The following LSAMP variants were observed in gnomAD, a reference collection of about 807,000 sequenced individuals.
LSAMP encodes limbic system-associated membrane protein.
In LSAMP, 7 loss-of-function variants were observed where a neutral mutation model predicts 38.6. The ratio of observed to expected loss-of-function variants is 0.18; its 90% CI spans 0.10 to 0.34. The LOEUF is 0.34. Ranked by LOEUF, LSAMP falls within the 10% of genes least tolerant of loss-of-function variation. The pLI is 1.00. For synonymous variants in LSAMP, 154 were observed against 166.8 expected (o/e 0.92, Z 0.59); for missense variants, 313 against 420.0 (o/e 0.75, Z 2.23).
intron 1 of LSAMP, among the ~76,000 whole-genome samples, chr3:116,109,388 T>C (rs1331175017): frequency 2.0e-5 from 3 of 151,928 alleles, no homozygotes; most frequent in Admixed American, 6.6e-5. Context: ...CAGATAGGTC[T>C]GTAGAAAAGG....
intron 3 of LSAMP, among the ~76,000 whole-genome samples, chr3:115,949,036 G>A (rs1275788685): frequency 6.6e-6 from 1 of 152,132 alleles, no homozygotes; most frequent in Non-Finnish European, 1.5e-5. Context: ...GGGAGGCCAA[G>A]GCAGGTGAAT....
chr3:115,855,796 C>G (rs1935490221), intron 3 of LSAMP, among the ~76,000 whole-genome samples: 1 of 152,194 alleles, frequency 6.6e-6, no homozygotes, highest in South Asian at 2.1e-4. Flanking sequence ...TTTATTCTCT[C>G]AACCTTAAGA....
intron 3 of LSAMP, among the ~76,000 whole-genome samples, chr3:115,938,180 AATAG>A (rs1937775212): frequency 6.6e-6 from 1 of 152,180 alleles, no homozygotes; most frequent in African/African-American, 2.4e-5. Context: ...ACAGAAAATG[AATAG>A]ATAATTTATT....
intron 3 of LSAMP, among the ~76,000 whole-genome samples, chr3:115,855,302 T>C (rs968996221): frequency 2.0e-5 from 3 of 152,202 alleles, no homozygotes; most frequent in Admixed American, 2.0e-4. Flanking sequence ...AAACAATATT[T>C]ATTGTGTTTG....
chr3:116,192,303 A>T (rs1396362382), intron 1 of LSAMP, among the ~76,000 whole-genome samples: 1 of 152,168 alleles, frequency 6.6e-6, no homozygotes, highest in Non-Finnish European at 1.5e-5. Context: ...TAAGAATTGG[A>T]AGGAAATGGA....
intron 3 of LSAMP, among the ~76,000 whole-genome samples, chr3:115,973,959 G>A (rs971416563): frequency 6.6e-6 from 1 of 152,108 alleles, no homozygotes; most frequent in Non-Finnish European, 1.5e-5. Context: ...TATACCACTT[G>A]TAAAATAACA....
At chr3:116,411,987 A>T (rs1026817383) in intron 1 of LSAMP, among the ~76,000 whole-genome samples, 3 of 152,002 alleles carry the variant, frequency 2.0e-5, no homozygotes, top group African/African-American at 7.2e-5. Context: ...ACCACTCACC[A>T]GATGCTGGTG....
chr3:116,275,963 A>T (rs962707751), intron 1 of LSAMP, among the ~76,000 whole-genome samples: 3 of 152,240 alleles, frequency 2.0e-5, no homozygotes, highest in African/African-American at 7.2e-5. Flanking sequence ...AATTACGTAA[A>T]GTTTTTGAAC....
At chr3:116,429,595 A>G (rs967588244) in intron 1 of LSAMP, among the ~76,000 whole-genome samples, 5 of 152,284 alleles carry the variant, frequency 3.3e-5, no homozygotes, top group Admixed American at 2.0e-4. Context: ...TAATGTCTAC[A>G]TACGACCACC....
At chr3:115,829,504 T>G (rs1483172921) in intron 6 of LSAMP, among the ~76,000 whole-genome samples, 1 of 152,224 alleles carries the variant, frequency 6.6e-6, no homozygotes, top group Non-Finnish European at 1.5e-5. Flanking sequence ...AAGTCCTTGT[T>G]TCTGCTAACC....
At chr3:116,381,308 C>T (rs775032122) in intron 1 of LSAMP, among the ~76,000 whole-genome samples, 26 of 152,032 alleles carry the variant, frequency 1.7e-4, no homozygotes, top group Non-Finnish European at 2.5e-4. Context: ...TGTATTTGTG[C>T]ATATACACGT....
chr3:115,938,112 GC>G (rs2107552571), intron 3 of LSAMP, among the ~76,000 whole-genome samples: 1 of 152,248 alleles, frequency 6.6e-6, no homozygotes, highest in African/African-American at 2.4e-5. Flanking sequence ...TAAAAACACT[GC>G]ATTCATATTA....
intron 2 of LSAMP, among the ~76,000 whole-genome samples, chr3:116,042,034 T>C (rs1306112787): frequency 6.6e-6 from 1 of 152,210 alleles, no homozygotes; most frequent in Non-Finnish European, 1.5e-5. Flanking sequence ...GTATATATTA[T>C]ACAATTCACT....
At chr3:116,164,620 AT>A (rs1709989861) in intron 1 of LSAMP, among the ~76,000 whole-genome samples, 6 of 132,274 alleles carry the variant, frequency 4.5e-5, no homozygotes, top group South Asian at 4.6e-4. Flanking sequence ...ATATATATAT[AT>A]AATCCAAATA....
chr3:115,959,802 T>A (rs1938567976), intron 3 of LSAMP, among the ~76,000 whole-genome samples: 2 of 152,164 alleles, frequency 1.3e-5, no homozygotes, highest in African/African-American at 4.8e-5. Context: ...TTACTATTAT[T>A]TTTGCTATTA....
At chr3:116,129,372 T>C (rs1382993738) in intron 1 of LSAMP, among the ~76,000 whole-genome samples, 1 of 152,174 alleles carries the variant, frequency 6.6e-6, no homozygotes, top group Non-Finnish European at 1.5e-5. Flanking sequence ...TCTGATTAAA[T>C]ATTTGCTCTG....
intron 3 of LSAMP, among the ~76,000 whole-genome samples, chr3:115,891,760 G>A (rs759000911): frequency 6.6e-6 from 1 of 151,896 alleles, no homozygotes; most frequent in Non-Finnish European, 1.5e-5. Flanking sequence ...TTAATCACAG[G>A]ATTAGAGTTG....
chr3:116,359,870 A>C (rs984251900), intron 1 of LSAMP, among the ~76,000 whole-genome samples: 1 of 152,222 alleles, frequency 6.6e-6, no homozygotes, highest in African/African-American at 2.4e-5. Flanking sequence ...AAAACTATAA[A>C]AATCCTATAA....
intron 1 of LSAMP, among the ~76,000 whole-genome samples, chr3:116,438,006 T>C (rs372204507): frequency 4.1e-5 from 6 of 147,058 alleles, no homozygotes; most frequent in East Asian, 2.0e-4. Context: ...TGTTTTATTT[T>C]GTAAAGGTTA....
Sources: gnomAD v4.1 joint callset for allele counts (sites outside exome capture counted in the v4.1 genomes callset) on GRCh38, gnomAD v4.1.1 for gene constraint, MANE v1.5 for transcripts, NCBI Gene and HGNC (gene_info 2026-07-23, HGNC 2026-07-21) for gene names.